GRID2: variants seen among roughly 807,000 people sequenced by gnomAD.
GRID2 encodes the protein glutamate ionotropic receptor delta type subunit 2.
A neutral mutation model predicts 114.8 loss-of-function variants in GRID2; 33 were observed. That is an observed-to-expected ratio of 0.29 (90% CI 0.22 to 0.38). The LOEUF is 0.38. Ranked by LOEUF, GRID2 falls within the 10% of genes least tolerant of loss-of-function variation. GRID2 has a pLI of 1.00. For missense variants in GRID2, 1,184 were observed against 1,257.7 expected (o/e 0.94, Z 0.89); for synonymous variants, 505 against 449.9 (o/e 1.12, Z -1.55).
chr4:92,707,052 A>G (rs1438820107), intron 2 of GRID2, among the ~76,000 whole-genome samples: 6 of 152,188 alleles, frequency 3.9e-5, no homozygotes, highest in Non-Finnish European at 8.8e-5. Flanking sequence ...TTACGCTAGA[A>G]TTACTTTCCT....
chr4:93,129,719 A>G (rs1323371012), intron 4 of GRID2, among the ~76,000 whole-genome samples: 1 of 152,076 alleles, frequency 6.6e-6, no homozygotes, highest in Non-Finnish European at 1.5e-5. Flanking sequence ...TATTTTACCT[A>G]TTCTTTTTTG....
chr4:92,924,000 A>G (rs1466000014), intron 2 of GRID2, among the ~76,000 whole-genome samples: 5 of 152,174 alleles, frequency 3.3e-5, no homozygotes, highest in African/African-American at 4.8e-5. Context: ...GAACCAACCC[A>G]TATGTCCAAC....
intron 2 of GRID2, among the ~76,000 whole-genome samples, chr4:93,038,198 G>A (rs913378721): frequency 6.6e-6 from 1 of 152,026 alleles, no homozygotes; most frequent in Admixed American, 6.6e-5. Flanking sequence ...GTATTTCTAA[G>A]TATTTTATTC....
At chr4:92,452,642 T>G (rs1254981099) in intron 1 of GRID2, among the ~76,000 whole-genome samples, 1 of 151,972 alleles carries the variant, frequency 6.6e-6, no homozygotes, top group Non-Finnish European at 1.5e-5. Context: ...AGGTTTTTAA[T>G]GTAAGTTTTT....
chr4:92,956,288 G>C (rs556318856), intron 2 of GRID2, among the ~76,000 whole-genome samples: 2 of 152,254 alleles, frequency 1.3e-5, no homozygotes, highest in East Asian at 3.9e-4. Context: ...GTCTTATTGA[G>C]TCTATGGGCT....
chr4:93,318,123 A>G (rs954748120), intron 8 of GRID2, among the ~76,000 whole-genome samples: 1 of 150,666 alleles, frequency 6.6e-6, no homozygotes, highest in African/African-American at 2.4e-5. Flanking sequence ...ATGATTTCAT[A>G]TATTATTTTT....
intron 4 of GRID2, among the ~76,000 whole-genome samples, chr4:93,143,562 A>C (rs1463811673): frequency 6.6e-6 from 1 of 152,216 alleles, no homozygotes; most frequent in Non-Finnish European, 1.5e-5. Context: ...AATTTTGATG[A>C]AGGTGAAAAT....
At chr4:92,459,143 CAA>C (rs1721354925) in intron 1 of GRID2, among the ~76,000 whole-genome samples, 2 of 151,884 alleles carry the variant, frequency 1.3e-5, no homozygotes, top group Non-Finnish European at 2.9e-5. Context: ...TAACTCATAG[CAA>C]AAGAGGTAAA....
At chr4:93,478,898 C>G (rs547488177) in intron 11 of GRID2, among the ~76,000 whole-genome samples, 1 of 152,102 alleles carries the variant, frequency 6.6e-6, no homozygotes, top group African/African-American at 2.4e-5. Context: ...CCTTCTTTTG[C>G]TTATTTGCAA....
At chr4:93,096,622 A>G (rs992567170) in intron 3 of GRID2, among the ~76,000 whole-genome samples, 2 of 151,946 alleles carry the variant, frequency 1.3e-5, no homozygotes, top group Non-Finnish European at 2.9e-5. Context: ...TCCACAGAAA[A>G]ATGCAAATTT....
intron 14 of GRID2, among the ~76,000 whole-genome samples, chr4:93,723,415 A>T (rs970374814): frequency 3.3e-5 from 5 of 152,260 alleles, no homozygotes; most frequent in Non-Finnish European, 5.9e-5. Context: ...TCAGAATGAA[A>T]GCACAGATCA....
chr4:93,798,301 T>TGTTTGGA (rs1734849069), intron 1 of GRID2, among the ~76,000 whole-genome samples: 1 of 152,032 alleles, frequency 6.6e-6, no homozygotes, highest in African/African-American at 2.4e-5. Flanking sequence ...TCTTTCCAAA[T>TGTTTGGA]AATCTTATTT....
chr4:93,158,742 A>G (rs1162617296), intron 4 of GRID2, among the ~76,000 whole-genome samples: 1 of 151,812 alleles, frequency 6.6e-6, no homozygotes, highest in Non-Finnish European at 1.5e-5. Flanking sequence ...CAGAATGTGG[A>G]ATATGTGTAG....
intron 10 of GRID2, among the ~76,000 whole-genome samples, chr4:93,425,669 C>A (rs1010248444): frequency 2.0e-5 from 3 of 152,178 alleles, no homozygotes; most frequent in African/African-American, 7.2e-5. Flanking sequence ...TTGGGGCTCA[C>A]TCCTCTGTGG....
At chr4:92,798,755 A>T (rs1459252762) in intron 2 of GRID2, among the ~76,000 whole-genome samples, 1 of 152,038 alleles carries the variant, frequency 6.6e-6, no homozygotes, top group Non-Finnish European at 1.5e-5. Context: ...CACTCAATAG[A>T]TACAGGACTG....
At chr4:93,184,764 C>G (rs181450014) in intron 4 of GRID2, among the ~76,000 whole-genome samples, 139 of 152,174 alleles carry the variant, frequency 9.1e-4, no homozygotes, top group African/African-American at 3.2e-3. Context: ...TGCCTGTAAT[C>G]GCAGATACTC....
At chr4:92,473,268 A>G (rs1722131528) in intron 1 of GRID2, among the ~76,000 whole-genome samples, 1 of 152,040 alleles carries the variant, frequency 6.6e-6, no homozygotes, top group African/African-American at 2.4e-5. Context: ...GTTTTGATGT[A>G]TGTGATCTTT....
At chr4:93,564,037 T>C (rs1578270558) in intron 13 of GRID2, among the ~76,000 whole-genome samples, 1 of 152,076 alleles carries the variant, frequency 6.6e-6, no homozygotes, top group Admixed American at 6.6e-5. Flanking sequence ...AAATAAATTA[T>C]ATGTAAAATT....
At chr4:93,480,098 C>G (rs1725701612) in intron 11 of GRID2, among the ~76,000 whole-genome samples, 1 of 151,890 alleles carries the variant, frequency 6.6e-6, no homozygotes, top group African/African-American at 2.4e-5. Flanking sequence ...ATGTTTATAG[C>G]AATGTAATAT....
Sources: gnomAD v4.1 joint callset for allele counts (sites outside exome capture counted in the v4.1 genomes callset) on GRCh38, gnomAD v4.1.1 for gene constraint, MANE v1.5 for transcripts, NCBI Gene and HGNC (gene_info 2026-07-23, HGNC 2026-07-21) for gene names.